The following TAFA5 variants were observed in gnomAD, a reference collection of about 807,000 sequenced individuals.
TAFA5 encodes TAFA chemokine like family member 5, also known as chemokine-like protein TAFA-5.
A neutral mutation model predicts 15.3 loss-of-function variants in TAFA5; 6 were observed. The observed-to-expected ratio is 0.39, with a 90% CI of 0.21 to 0.77. The LOEUF is 0.77. TAFA5 is among the 30% of genes least tolerant of loss of function. The probability of loss-of-function intolerance (pLI) is 0.41; values close to 1 mark genes in which losing one functional copy is unlikely to be tolerated. For missense variants in TAFA5, 161 were observed against 193.1 expected (o/e 0.83, Z 0.98); for synonymous variants, 103 against 80.7 (o/e 1.28, Z -1.48).
chr22:48,715,282 A>T (rs130164), intron 3 of TAFA5, among the ~76,000 whole-genome samples: 107,768 of 152,146 alleles, frequency 0.71, 38,624 homozygotes, highest in African/African-American at 0.81. Flanking sequence ...TGGAAAGCAA[A>T]GGTCACTCTG....
At position 48,695,124 on chromosome 22, in the gene TAFA5, G is replaced by T. The variant is rs181689753; in HGVS notation, c.263-12593G>T. 3.3e-3 allele frequency among the ~76,000 whole-genome samples: 498 copies of T among 152,158 alleles called. 2 individuals carry two copies. The highest frequency in any genetic ancestry group is 0.011 in the African/African-American group (473 of 41,518). On this transcript the variant is annotated intron_variant, in intron 2 of 3. Transcript: ENST00000402357. ...GGCCAGGTGGTGTGTGTGTCTTTGT[G>T]TGTCTGCATTGAGTGCTTGTGCATT...
At chr22:48,614,909 G>A (rs934254550) in intron 1 of TAFA5, among the ~76,000 whole-genome samples, 10 of 152,180 alleles carry the variant, frequency 6.6e-5, no homozygotes, top group African/African-American at 2.4e-4. Flanking sequence ...GGGGTCAGCA[G>A]AGCGGGCCTG....
Position 48,536,425 on chromosome 22 carries a change from G to A in TAFA5, c.112+46721G>A, listed in dbSNP as rs183412071. Among the ~76,000 whole-genome samples, 211 of 152,336 alleles carry A rather than the reference G, an allele frequency of 1.4e-3. 1 individual carries two copies. The highest frequency in any genetic ancestry group is 2.4e-3 in the Non-Finnish European group (160 of 68,032). On this transcript the variant is annotated intron_variant, in intron 1 of 3. Transcript: ENST00000402357. ...AGGCCGTCCTTTCAGCCCTGACAGC[G>A]TGTCAGCACCGGGAGCCGGCGCGGG...
intron 2 of TAFA5, among the ~76,000 whole-genome samples, chr22:48,666,691 T>A (rs1298787216): frequency 6.6e-6 from 1 of 152,168 alleles, no homozygotes; most frequent in African/African-American, 2.4e-5. Context: ...CGTGACAGCG[T>A]CACACCGGCT....
At chr22:48,676,876 T>C (rs1356904457) in intron 2 of TAFA5, among the ~76,000 whole-genome samples, 1 of 152,198 alleles carries the variant, frequency 6.6e-6, no homozygotes, top group East Asian at 1.9e-4. Flanking sequence ...TCCCTGGACA[T>C]TGCAAGTGTG....
chr22:48,662,499 G>A (rs183989811), intron 2 of TAFA5, among the ~76,000 whole-genome samples: 1 of 138,446 alleles, frequency 7.2e-6, no homozygotes, highest in Non-Finnish European at 1.6e-5. Context: ...TGATTCAAGG[G>A]CCCAGGCGGT....
At chr22:48,536,323 C>T (rs971907963) in intron 1 of TAFA5, among the ~76,000 whole-genome samples, 2 of 152,220 alleles carry the variant, frequency 1.3e-5, no homozygotes, top group Non-Finnish European at 2.9e-5. Context: ...GCTTTCCTCT[C>T]GGCAAGCCGG....
intron 1 of TAFA5, among the ~76,000 whole-genome samples, chr22:48,605,451 C>T (rs796108497): frequency 0.21 from 13,197 of 63,458 alleles, 823 homozygotes; most frequent in Non-Finnish European, 0.24. Context: ...GTGGTGATGG[C>T]AATGGTGATG....
chr22:48,690,057 G>C (rs1928490184), intron 2 of TAFA5, among the ~76,000 whole-genome samples: 1 of 32,968 alleles, frequency 3.0e-5, no homozygotes, highest in African/African-American at 1.1e-4. Context: ...GCTGGGGTCA[G>C]TGGATGTGGA....
intron 1 of TAFA5, among the ~76,000 whole-genome samples, chr22:48,610,360 A>G (rs950543259): frequency 6.6e-6 from 1 of 152,242 alleles, no homozygotes; most frequent in African/African-American, 2.4e-5. Context: ...GCTAAGTAAG[A>G]TTCACCTGCT....
At chr22:48,671,713 A>C (rs1884345) in intron 2 of TAFA5, among the ~76,000 whole-genome samples, 129,482 of 152,160 alleles carry the variant, frequency 0.85, 55,704 homozygotes, top group East Asian at 1. Context: ...CAGTCCTGGA[A>C]ACACAAGCAA....
At chr22:48,729,384 A>T (rs1929804501) in intron 3 of TAFA5, among the ~76,000 whole-genome samples, 1 of 132,268 alleles carries the variant, frequency 7.6e-6, no homozygotes, top group Non-Finnish European at 1.7e-5. Flanking sequence ...AATATATGTA[A>T]ATATATAATA....
intron 1 of TAFA5, among the ~76,000 whole-genome samples, chr22:48,498,959 G>A (rs1028777442): frequency 6.6e-6 from 1 of 152,180 alleles, no homozygotes; most frequent in African/African-American, 2.4e-5. Flanking sequence ...GCCAGCGTGG[G>A]GGTCTGAGGA....
At chr22:48,554,388 G>A (rs1423779357) in intron 1 of TAFA5, among the ~76,000 whole-genome samples, 1 of 152,120 alleles carries the variant, frequency 6.6e-6, no homozygotes, top group Non-Finnish European at 1.5e-5. Flanking sequence ...AATGATTTAC[G>A]ATTAATACAG....
chr22:48,663,696 T>G (rs546839139), intron 2 of TAFA5, among the ~76,000 whole-genome samples: 14 of 152,364 alleles, frequency 9.2e-5, no homozygotes, highest in African/African-American at 2.9e-4. Flanking sequence ...ACAAAAATTT[T>G]GCGCCATTCC....
chr22:48,597,586 G>A (rs143779794), intron 1 of TAFA5, among the ~76,000 whole-genome samples: 1,908 of 151,062 alleles, frequency 0.013, 33 homozygotes, highest in African/African-American at 0.045. Context: ...ACCATGGCCC[G>A]CATCACCTGG....
intron 1 of TAFA5, among the ~76,000 whole-genome samples, chr22:48,592,986 C>T (rs1459756567): frequency 2.0e-5 from 3 of 152,010 alleles, no homozygotes; most frequent in Non-Finnish European, 4.4e-5. Flanking sequence ...AGTCCTGGAC[C>T]AGGGCCTCTT....
At chr22:48,692,892 G>C (rs984820309) in intron 2 of TAFA5, among the ~76,000 whole-genome samples, 2 of 152,230 alleles carry the variant, frequency 1.3e-5, no homozygotes, top group African/African-American at 4.8e-5. Flanking sequence ...TGGGACCTCA[G>C]GAGCCCCTCC....
At chr22:48,573,681 C>T (rs1046593331) in intron 1 of TAFA5, among the ~76,000 whole-genome samples, 3 of 152,214 alleles carry the variant, frequency 2.0e-5, no homozygotes, top group African/African-American at 7.2e-5. Flanking sequence ...GTCCTCCTGT[C>T]CCACCTGTTG....
Sources: gnomAD v4.1 joint callset for allele counts (sites outside exome capture counted in the v4.1 genomes callset) on GRCh38, gnomAD v4.1.1 for gene constraint, MANE v1.5 for transcripts, NCBI Gene and HGNC (gene_info 2026-07-23, HGNC 2026-07-21) for gene names.